PHB1: variants seen among roughly 807,000 people sequenced by gnomAD.
PHB1 encodes the protein prohibitin 1, also known as epididymis luminal protein 215.
chr17:49,408,489 CTA>C, the PHB1 span, among the ~76,000 whole-genome samples: 2 of 152,198 alleles, frequency 1.3e-5, no homozygotes, highest in Non-Finnish European at 2.9e-5. Context: ...AACACACAAG[CTA>C]TAGTGTCTCA....
chr17:49,409,920 C>T, the PHB1 span, among the ~76,000 whole-genome samples: 3 of 152,086 alleles, frequency 2.0e-5, no homozygotes, highest in African/African-American at 7.2e-5. Flanking sequence ...ACATGTTGCC[C>T]AGGCTGAAGT....
At chr17:49,405,455 C>T in the PHB1 span, among the ~76,000 whole-genome samples, 1 of 152,174 alleles carries the variant, frequency 6.6e-6, no homozygotes, top group Non-Finnish European at 1.5e-5. Context: ...GAATATTTGT[C>T]TTATTTCAAA....
the PHB1 span, among the ~76,000 whole-genome samples, chr17:49,408,005 G>A: frequency 6.6e-6 from 1 of 152,256 alleles, no homozygotes; most frequent in Non-Finnish European, 1.5e-5. Context: ...GTTTCTTGTG[G>A]TCAGCCCACA....
At chr17:49,411,862 T>C in the PHB1 span, 4 of 1,608,134 alleles carry the variant, frequency 2.5e-6, no homozygotes, top group Non-Finnish European at 2.5e-6. Flanking sequence ...GACAATGACA[T>C]GTCATAAAAA....
the PHB1 span, chr17:49,414,216 G>A: frequency 6.6e-6 from 1 of 152,116 alleles, no homozygotes; most frequent in Non-Finnish European, 1.5e-5. Flanking sequence ...GAACCCAGAG[G>A]TCTAATGCTA....
At chr17:49,410,466 C>A in the PHB1 span, among the ~76,000 whole-genome samples, 1 of 152,196 alleles carries the variant, frequency 6.6e-6, no homozygotes, top group African/African-American at 2.4e-5. Context: ...TTTTTGGTAT[C>A]CCCTGAATGC....
the PHB1 span, among the ~76,000 whole-genome samples, chr17:49,413,511 C>CTTTTTT: frequency 1.9e-5 from 2 of 106,156 alleles, no homozygotes. Context: ...TCTTTTCTTT[C>CTTTTTT]CTTTTTTTTT....
the PHB1 span, among the ~76,000 whole-genome samples, chr17:49,413,741 C>A: frequency 6.6e-6 from 1 of 152,142 alleles, no homozygotes; most frequent in Non-Finnish European, 1.5e-5. Flanking sequence ...AACTCCTGGG[C>A]TCAAGTGATC....
chr17:49,412,274 G>T, the PHB1 span: 1 of 167,014 alleles, frequency 6.0e-6, no homozygotes, highest in South Asian at 1.5e-4. Context: ...ACATTTCGAA[G>T]AGCCTACTCT....
the PHB1 span, chr17:49,412,116 T>A: frequency 2.8e-6 from 1 of 360,242 alleles, no homozygotes; most frequent in Non-Finnish European, 5.0e-6. Flanking sequence ...GAATGACCAT[T>A]CTATCCCTGA....
chr17:49,409,006 G>GC, the PHB1 span: 7 of 1,331,052 alleles, frequency 5.3e-6, no homozygotes, highest in Admixed American at 2.0e-5. Flanking sequence ...GAGAACTGCA[G>GC]CCCCTTCCCC....
the PHB1 span, among the ~76,000 whole-genome samples, chr17:49,405,474 T>C: frequency 7.4e-4 from 113 of 152,244 alleles, 1 homozygote; most frequent in African/African-American, 2.3e-3. Flanking sequence ...AAGTCCTCAT[T>C]AATATTAATT....
chr17:49,409,618 TACA>T, the PHB1 span: 1 of 643,248 alleles, frequency 1.6e-6, no homozygotes, highest in South Asian at 1.9e-5. Flanking sequence ...CTCGGCTCAC[TACA>T]ACCTCTGCCT....
the PHB1 span, chr17:49,404,111 C>T: frequency 7.9e-4 from 120 of 152,746 alleles, 1 homozygote; most frequent in Middle Eastern, 3.4e-3. Context: ...TGTTTCCTTC[C>T]CAGTGCAGGC....
chr17:49,409,854 G>A, the PHB1 span, among the ~76,000 whole-genome samples: 1 of 150,502 alleles, frequency 6.6e-6, no homozygotes, highest in Non-Finnish European at 1.5e-5. Flanking sequence ...TCTTTTATAT[G>A]ACCTCTCCTA....
At chr17:49,409,550 T>G in the PHB1 span, 10 of 954,458 alleles carry the variant, frequency 1.0e-5, no homozygotes, top group African/African-American at 3.1e-5. Context: ...TTTGTTTTTT[T>G]TTTTTTTTGA....
chr17:49,404,932 G>GT, the PHB1 span: 1 of 1,148,588 alleles, frequency 8.7e-7, no homozygotes, highest in South Asian at 1.3e-5. Flanking sequence ...GGAAGGCTGT[G>GT]TTAAGAATCA....
the PHB1 span, chr17:49,411,810 C>A: frequency 6.2e-7 from 1 of 1,614,144 alleles, no homozygotes; most frequent in South Asian, 1.1e-5. Flanking sequence ...CGGAATCGGT[C>A]AAAGATGACA....
the PHB1 span, chr17:49,404,944 C>T: frequency 1.5e-5 from 19 of 1,258,024 alleles, no homozygotes; most frequent in South Asian, 7.7e-5. Context: ...TAAGAATCAT[C>T]GGGGCTGTGG....
Sources: allele counts gnomAD v4.1 joint callset (sites outside exome capture counted in the v4.1 genomes callset), GRCh38; gene constraint gnomAD v4.1.1; transcripts MANE v1.5; gene names NCBI Gene and HGNC (gene_info 2026-07-23, HGNC 2026-07-21).